The following TOR4A variants were observed in gnomAD, a reference collection of about 807,000 sequenced individuals.
TOR4A encodes the protein torsin-4A.
In TOR4A, 12 loss-of-function variants were observed where a neutral mutation model predicts 11.5. The observed-to-expected ratio is 1.04, with a 90% CI of 0.67 to 1.69. The LOEUF is 1.69. Ranked by LOEUF, TOR4A falls within the 40% of genes most tolerant of loss-of-function variation. TOR4A has a pLI of 0.00. For missense variants in TOR4A, 640 were observed against 643.2 expected (o/e 0.99, Z 0.05); for synonymous variants, 362 against 307.4 (o/e 1.18, Z -1.86).
At position 137,280,956 on chromosome 9, in the gene TOR4A, G is replaced by A. The variant is rs1418741979; in HGVS notation, c.*995G>A. 1 of 167,040 alleles carries A rather than the reference G, an allele frequency of 6.0e-6. No homozygotes were observed. The highest frequency in any genetic ancestry group is 1.9e-4 in the East Asian group (1 of 5,184). 10.3% of individuals were successfully genotyped at this position (167,040 alleles called of 1,614,324 possible). On this transcript the variant is annotated 3_prime_UTR_variant, in exon 2 of 2. Coordinates refer to ENST00000357503, the MANE Select transcript of TOR4A (RefSeq NM_017723.3). ...TCCTCGGGGCCGGCGGTTGCCTCGG[G>A]ACGGTTCTCGCCTCCTCCCACAGCC... is the stretch of plus-strand genomic sequence containing the variant.
rs939447976 is a variant in TOR4A at position 137,280,336 on chromosome 9, G to C, written c.*375G>C. The C allele has an allele frequency of 1.1e-5, 3 of 277,390 alleles. No individual in the cohort carries two copies. Among genetic ancestry groups the C allele is most frequent in the African/African-American group, 6.5e-5 (3 of 45,934 alleles). 17.2% of individuals were successfully genotyped at this position (277,390 alleles called of 1,614,324 possible). On this transcript the variant is annotated 3_prime_UTR_variant, in exon 2 of 2. Coordinates refer to ENST00000357503, the MANE Select transcript of TOR4A (RefSeq NM_017723.3). ...GACCCCGCCTCTTGGGGGTGGTCGC[G>C]TGTTGCTCAGTGCTGAAGTGGGGTT...
Position 137,279,651 on chromosome 9 carries a change from T to C in TOR4A, c.962T>C (p.Leu321Pro). ...VLQNASRALP[L>P]RPDGFRSAEA... is the part of the protein sequence containing the mutation. ...CAGAACGCGTCCCGCGCGCTGCCCCTGCGCCCCGACGGCTTCCGCAGTGCC... is the reference window on the plus strand; with the variant it reads ...CAGAACGCGTCCCGCGCGCTGCCCCCGCGCCCCGACGGCTTCCGCAGTGCC... Residue 321 changes from leucine to proline, a missense_variant, in exon 2 of 2, where the codon CTG (leucine) becomes CCG (proline). Leu to Pro is a moderately conservative substitution (Grantham distance 98). Transcript: ENST00000357503. The C allele has an allele frequency of 6.4e-7, 1 of 1,562,958 alleles. No individual in the cohort carries two copies. Among genetic ancestry groups the C allele is most frequent in the Non-Finnish European group, 8.6e-7 (1 of 1,159,740 alleles).
Position 137,280,187 on chromosome 9 carries a change from A to AT in TOR4A, c.*228dup. 1.6e-6 allele frequency: 1 copy of AT among 607,728 alleles called. No individual in the cohort carries two copies. The allele number at this position is 607,728 out of a possible 1,614,324, so 37.6% of individuals were successfully genotyped here. On this transcript the variant is annotated 3_prime_UTR_variant, in exon 2 of 2. Transcript: ENST00000357503. Reference sequence around the variant, plus strand: ...AGCCACCTCCCTCCCAAACTTGCCCATTGCCCTGCTGGGCGTCCCAGGCAT... The same window carrying AT: ...AGCCACCTCCCTCCCAAACTTGCCCATTTGCCCTGCTGGGCGTCCCAGGCAT...
Position 137,280,034 on chromosome 9 carries a change from C to T in TOR4A, c.*73C>T, listed in dbSNP as rs1298408390. ...CGACCAGGGACCTTGTGGGCTGGTG[C>T]AGGCCCCTGAGGTTTCTAGTGAATT... On this transcript the variant is annotated 3_prime_UTR_variant, in exon 2 of 2. Coordinates refer to ENST00000357503, the MANE Select transcript of TOR4A (RefSeq NM_017723.3). 3.4e-6 allele frequency: 5 copies of T among 1,450,412 alleles called. No homozygotes were observed. In the Admixed American group the frequency reaches 1.1e-4, roughly 33 times the overall value. The allele number at this position is 1,450,412 out of a possible 1,614,324, so 89.8% of individuals were successfully genotyped here. A position where few individuals can be genotyped will look rare whatever the true frequency, so the allele number is the denominator to read the frequency against.
chr9:137,278,272 C>G (rs1415440651), intron 1 of TOR4A, among the ~76,000 whole-genome samples: 1 of 152,134 alleles, frequency 6.6e-6, no homozygotes, highest in African/African-American at 2.4e-5. Flanking sequence ...GAGCCGCGGG[C>G]GGGGGCAGGG....
In TOR4A at chr9:137,281,698, T is replaced by G. The variant is rs1458960177; in HGVS notation, c.*1737T>G. The G allele has an allele frequency of 6.8e-6, 1 of 146,542 alleles. No individual in the cohort carries two copies. Among genetic ancestry groups the G allele is most frequent in the Non-Finnish European group, 1.5e-5 (1 of 64,608 alleles). 9.1% of individuals were successfully genotyped at this position (146,542 alleles called of 1,614,324 possible). On this transcript the variant is annotated 3_prime_UTR_variant, in exon 2 of 2. Transcript: ENST00000357503. ...AGGACTCCCGCTGCTCCTGGAGTCT[T>G]GGGGAGGGGTCCGGCTCCACGGGGT...
intron 1 of TOR4A, among the ~76,000 whole-genome samples, chr9:137,278,382 C>A (rs1164626767): frequency 1.3e-5 from 2 of 152,134 alleles, no homozygotes; most frequent in Non-Finnish European, 2.9e-5. Context: ...AAGCCTCTAC[C>A]CCGCCACTTC....
rs754966910 is a variant in TOR4A at position 137,279,600 on chromosome 9, G to A, written c.911G>A (p.Gly304Asp). 2.6e-6 allele frequency: 4 copies of A among 1,568,266 alleles called. No homozygotes were observed. The South Asian group carries it at 4.5e-5, about 18-fold the overall frequency. Residue 304 changes from glycine (G) to aspartate (D), a missense_variant, in exon 2 of 2, where the codon GGC (glycine) becomes GAC (aspartate). By Grantham distance (94) the Gly-to-Asp change is moderately conservative (BLOSUM62 -1). Transcript: ENST00000357503. The part of the protein sequence containing the change: ...AIYVLLSGAG[G>D]AEVTRFVLQN... Reference sequence around the variant, plus strand: ...TACGTGCTCCTCAGTGGCGCGGGTGGCGCCGAGGTCACGCGCTTCGTGCTG... The same window carrying A: ...TACGTGCTCCTCAGTGGCGCGGGTGACGCCGAGGTCACGCGCTTCGTGCTG...
In TOR4A at chr9:137,280,076, G is replaced by T; in HGVS notation, c.*115G>T. ...TAGTGAATTTGTGGCTGCCCGGCTG[G>T]TGGGTGCGGATCAGCTTGGAGCTCT... On this transcript the variant is annotated 3_prime_UTR_variant, in exon 2 of 2. Transcript: ENST00000357503. 3 of 1,189,332 alleles carry T rather than the reference G, an allele frequency of 2.5e-6. No homozygotes were observed. The highest frequency in any genetic ancestry group is 3.5e-6 in the Non-Finnish European group (3 of 856,980). The allele number at this position is 1,189,332 out of a possible 1,614,324, so 73.7% of individuals were successfully genotyped here.
rs548834153 is a variant in TOR4A at position 137,279,409 on chromosome 9, C to A, written c.720C>A (p.Arg240=). 6.5e-7 allele frequency: 1 copy of A among 1,533,968 alleles called. No individual in the cohort carries two copies. The highest frequency in any genetic ancestry group is 1.2e-5 in the South Asian group (1 of 83,444). The change falls in exon 2 of 2, where the codon CGC becomes CGA. Residue 240 remains arginine (R), a synonymous_variant. Coordinates refer to ENST00000357503, the MANE Select transcript of TOR4A (RefSeq NM_017723.3). The part of the protein sequence containing the change: ...CPEARAAQDC[R]EELARRVADV... Reference sequence around the variant, plus strand: ...AGGCGCGCGCCGCACAGGACTGCCGCGAGGAGCTGGCGCGGCGCGTGGCCG... The same window carrying A: ...AGGCGCGCGCCGCACAGGACTGCCGAGAGGAGCTGGCGCGGCGCGTGGCCG...
At position 137,282,473 on chromosome 9, in the gene TOR4A, T is replaced by C. The variant is rs1830732610; in HGVS notation, c.*2512T>C. The C allele has an allele frequency of 6.0e-6, 1 of 166,516 alleles. No individual in the cohort carries two copies. Among genetic ancestry groups the C allele is most frequent in the African/African-American group, 2.4e-5 (1 of 41,444 alleles). The allele number at this position is 166,516 out of a possible 1,614,324, so 10.3% of individuals were successfully genotyped here. On this transcript the variant is annotated 3_prime_UTR_variant, in exon 2 of 2. Transcript: ENST00000357503. Reference sequence around the variant, plus strand: ...ACCTCGGCCTCCCAAAGTGCTGGGATTACAGGTGTGAGCCACCGTGCCCGG... The same window carrying C: ...ACCTCGGCCTCCCAAAGTGCTGGGACTACAGGTGTGAGCCACCGTGCCCGG...
Position 137,281,788 on chromosome 9 carries a change from G to A in TOR4A, c.*1827G>A, listed in dbSNP as rs1399022409. ...TGTGCAGGACCGGCTAGCCAGCGCT[G>A]GGAACCAGGGCTGAGTTCAGCCCAG... On this transcript the variant is annotated 3_prime_UTR_variant, in exon 2 of 2. Transcript: ENST00000357503. The A allele has an allele frequency of 6.1e-6, 1 of 165,122 alleles. No homozygotes were observed. The highest frequency in any genetic ancestry group is 2.4e-5 in the African/African-American group (1 of 41,428). The allele number at this position is 165,122 out of a possible 1,614,324, so 10.2% of individuals were successfully genotyped here.
Position 137,278,733 on chromosome 9 carries a change from C to T in TOR4A, c.44C>T (p.Pro15Leu), listed in dbSNP as rs1311346745. The change falls in exon 2 of 2, where the codon CCC becomes CTC. Residue 15 changes from proline (P) to leucine (L), a missense_variant. Pro to Leu is a moderately conservative substitution (Grantham distance 98). Coordinates refer to ENST00000357503, the MANE Select transcript of TOR4A (RefSeq NM_017723.3). ...AGCCTGGAGCCTGCTGCCGCGGCCCCCCGAGCCTCGGGCCGGTGCGTGATC... is the reference window on the plus strand; with the variant it reads ...AGCCTGGAGCCTGCTGCCGCGGCCCTCCGAGCCTCGGGCCGGTGCGTGATC... ...QPSLEPAAAA[P>L]RASGRCVIAP... is the part of the protein sequence containing the mutation. The T allele has an allele frequency of 2.2e-6, 3 of 1,380,604 alleles. No individual in the cohort carries two copies. The highest frequency in any genetic ancestry group is 1.5e-5 in the African/African-American group (1 of 65,874). The allele number at this position is 1,380,604 out of a possible 1,614,324, so 85.5% of individuals were successfully genotyped here. A position where few individuals can be genotyped will look rare whatever the true frequency, so the allele number is the denominator to read the frequency against.
At position 137,279,150 on chromosome 9, in the gene TOR4A, A is replaced by T; in HGVS notation, c.461A>T (p.Glu154Val). 1.3e-6 allele frequency: 2 copies of T among 1,575,348 alleles called. No individual in the cohort carries two copies. Among genetic ancestry groups the T allele is most frequent in the Non-Finnish European group, 1.7e-6 (2 of 1,160,916 alleles). The change falls in exon 2 of 2, where the codon GAG (glutamate) becomes GTG (valine). Residue 154 changes from glutamate (E) to valine (V), a missense_variant. By Grantham distance (121) the Glu-to-Val change is moderately radical (BLOSUM62 -2). Coordinates refer to ENST00000357503, the MANE Select transcript of TOR4A (RefSeq NM_017723.3). ...CAGCGCTATGACCTCGACGGGCTGG[A>T]GAAAGCGCTGCAGCGCGCGGTGTTC... ...NAQRYDLDGL[E>V]KALQRAVFGQ... is the part of the protein sequence containing the mutation.
In TOR4A at chr9:137,279,507, G is replaced by A. The variant is rs1432815136; in HGVS notation, c.818G>A (p.Arg273Gln). 6.3e-7 allele frequency: 1 copy of A among 1,579,626 alleles called. No homozygotes were observed. Among genetic ancestry groups the A allele is most frequent in the East Asian group, 2.3e-5 (1 of 43,068 alleles). Reference sequence around the variant, plus strand: ...CTGGACGACGTGGAGCTCATGCCGCGGCCGCTGCTGGACGAGCTGCACGGC... The same window carrying A: ...CTGGACGACGTGGAGCTCATGCCGCAGCCGCTGCTGGACGAGCTGCACGGC... ...LVLDDVELMP[R>Q]PLLDELHGFL... The change falls in exon 2 of 2, where the codon CGG becomes CAG. Residue 273 changes from arginine to glutamine, a missense_variant. Coordinates refer to ENST00000357503, the MANE Select transcript of TOR4A (RefSeq NM_017723.3).
At chr9:137,278,009 C>G (rs1265292676) in intron 1 of TOR4A, 102 bp downstream of exon 1, 1 of 153,022 alleles carries the variant, frequency 6.5e-6, no homozygotes, top group Non-Finnish European at 1.5e-5. Context: ...TTCACCTCCA[C>G]TAGTCTCCGG....
In TOR4A at chr9:137,282,478, G is replaced by A. The variant is rs1181791650; in HGVS notation, c.*2517G>A. On this transcript the variant is annotated 3_prime_UTR_variant, in exon 2 of 2. Coordinates refer to ENST00000357503, the MANE Select transcript of TOR4A (RefSeq NM_017723.3). ...GGCCTCCCAAAGTGCTGGGATTACAGGTGTGAGCCACCGTGCCCGGCCTCT... is the reference window on the plus strand; with the variant it reads ...GGCCTCCCAAAGTGCTGGGATTACAAGTGTGAGCCACCGTGCCCGGCCTCT... 1 of 166,630 alleles carries A rather than the reference G, an allele frequency of 6.0e-6. No individual in the cohort carries two copies. The highest frequency in any genetic ancestry group is 1.5e-5 in the Non-Finnish European group (1 of 68,142). 10.3% of individuals were successfully genotyped at this position (166,630 alleles called of 1,614,324 possible). A position where few individuals can be genotyped will look rare whatever the true frequency, so the allele number is the denominator to read the frequency against.
At position 137,278,807 on chromosome 9, in the gene TOR4A, C is replaced by T; in HGVS notation, c.118C>T (p.Arg40Cys). The T allele has an allele frequency of 5.4e-6, 8 of 1,479,358 alleles. No individual in the cohort carries two copies. The highest frequency in any genetic ancestry group is 7.1e-6 in the Non-Finnish European group (8 of 1,125,302). 91.6% of individuals were successfully genotyped at this position (1,479,358 alleles called of 1,614,324 possible). A position where few individuals can be genotyped will look rare whatever the true frequency, so the allele number is the denominator to read the frequency against. ...LRLRRRVCVL[R>C]KRRLLQPGGG... ...CCTGCGCCGCCGGGTGTGTGTCCTA[C>T]GCAAACGGCGCCTCCTGCAGCCGGG... Residue 40 changes from arginine (R) to cysteine (C), a missense_variant, in exon 2 of 2, where the codon CGC becomes TGC. Transcript: ENST00000357503.
At position 137,282,459 on chromosome 9, in the gene TOR4A, C is replaced by T. The variant is rs757380766; in HGVS notation, c.*2498C>T. The stretch of plus-strand genomic sequence containing the variant: ...CTCGTGATCCGCCCACCTCGGCCTC[C>T]CAAAGTGCTGGGATTACAGGTGTGA... On this transcript the variant is annotated 3_prime_UTR_variant, in exon 2 of 2. Transcript: ENST00000357503. The T allele has an allele frequency of 7.2e-5, 12 of 165,862 alleles. No individual in the cohort carries two copies. The highest frequency in any genetic ancestry group is 1.5e-4 in the Non-Finnish European group (10 of 68,138). 10.3% of individuals were successfully genotyped at this position (165,862 alleles called of 1,614,324 possible). A position where few individuals can be genotyped will look rare whatever the true frequency, so the allele number is the denominator to read the frequency against.
Sources: allele counts gnomAD v4.1 joint callset (sites outside exome capture counted in the v4.1 genomes callset), GRCh38; gene constraint gnomAD v4.1.1; transcripts MANE v1.5; gene names NCBI Gene and HGNC (gene_info 2026-07-23, HGNC 2026-07-21).